SLC9A9: variants seen among roughly 807,000 people sequenced by gnomAD.
SLC9A9 encodes the protein sodium/hydrogen exchanger 9.
Under a neutral mutation model 77.8 loss-of-function variants are expected in SLC9A9, and 62 were observed. The ratio of observed to expected loss-of-function variants is 0.80; its 90% CI spans 0.65 to 0.98. The LOEUF (loss-of-function observed/expected upper bound fraction) is 0.98, where lower values mean the gene tolerates loss of function less well. Among genes scored for constraint, SLC9A9 ranks in the 50% least tolerant of loss-of-function variants. The probability of loss-of-function intolerance (pLI) is 0.00; values close to 1 mark genes in which losing one functional copy is unlikely to be tolerated. For missense variants in SLC9A9, 775 were observed against 774.9 expected, an observed-to-expected ratio of 1.00 and a Z score of 0.00; for synonymous variants, 320 against 283.5, an observed-to-expected ratio of 1.13 and a Z score of -1.29.
At chr3:143,708,787 G>A (rs1251713413) in intron 4 of SLC9A9, among the ~76,000 whole-genome samples, 2 of 152,196 alleles carry the variant, frequency 1.3e-5, no homozygotes. Flanking sequence ...ACCCAGTCCT[G>A]CTAGGTGCTA....
At chr3:143,402,923 T>C (rs1390151283) in intron 12 of SLC9A9, among the ~76,000 whole-genome samples, 1 of 151,944 alleles carries the variant, frequency 6.6e-6, no homozygotes, top group Non-Finnish European at 1.5e-5. Flanking sequence ...TATTTTTTGT[T>C]ATTTTCTTAG....
chr3:143,791,553 C>G (rs2008225288), intron 4 of SLC9A9, among the ~76,000 whole-genome samples: 1 of 152,200 alleles, frequency 6.6e-6, no homozygotes, highest in Non-Finnish European at 1.5e-5. Context: ...CATTTTCATT[C>G]CCACATTCTC....
At chr3:143,301,018 C>A (rs572911302) in intron 14 of SLC9A9, among the ~76,000 whole-genome samples, 3 of 152,220 alleles carry the variant, frequency 2.0e-5, no homozygotes, top group African/African-American at 7.2e-5. Flanking sequence ...AGAAATAGGC[C>A]CAGGAGAAAC....
At chr3:143,403,685 TAAG>T (rs1429245011) in intron 12 of SLC9A9, among the ~76,000 whole-genome samples, 2 of 152,350 alleles carry the variant, frequency 1.3e-5, no homozygotes, top group Middle Eastern at 3.4e-3. Context: ...TTAATTCTGA[TAAG>T]AAGTCAGATA....
At chr3:143,391,881 C>G (rs765462848) in intron 12 of SLC9A9, among the ~76,000 whole-genome samples, 73 of 151,994 alleles carry the variant, frequency 4.8e-4, no homozygotes, top group Non-Finnish European at 1.0e-3. Context: ...TGAAATGAAG[C>G]AAGAAGAGAA....
chr3:143,269,837 T>C (rs755877737), intron 14 of SLC9A9, among the ~76,000 whole-genome samples: 17 of 151,518 alleles, frequency 1.1e-4, no homozygotes, highest in Non-Finnish European at 2.2e-4. Flanking sequence ...GGAGAGGAGT[T>C]ATCATTGGTT....
chr3:143,292,632 T>C (rs1028668309), intron 14 of SLC9A9, among the ~76,000 whole-genome samples: 10 of 152,130 alleles, frequency 6.6e-5, no homozygotes, highest in South Asian at 6.2e-4. Context: ...TCCCTTCCTA[T>C]GGTAATAGGA....
intron 14 of SLC9A9, among the ~76,000 whole-genome samples, chr3:143,326,595 T>C (rs1205290857): frequency 6.6e-6 from 1 of 152,182 alleles, no homozygotes; most frequent in African/African-American, 2.4e-5. Context: ...TCTCAGCTGC[T>C]CATGAGGGTG....
At chr3:143,669,041 T>A (rs777748913) in intron 5 of SLC9A9, among the ~76,000 whole-genome samples, 11 of 152,150 alleles carry the variant, frequency 7.2e-5, no homozygotes, top group Non-Finnish European at 1.6e-4. Flanking sequence ...TAGGTACCTT[T>A]CTCTTAAGAA....
chr3:143,767,540 T>C (rs2007365627), intron 4 of SLC9A9, among the ~76,000 whole-genome samples: 1 of 152,160 alleles, frequency 6.6e-6, no homozygotes, highest in Admixed American at 6.6e-5. Flanking sequence ...CACCTCATTC[T>C]TATATACCTG....
intron 14 of SLC9A9, among the ~76,000 whole-genome samples, chr3:143,303,538 G>A (rs990783988): frequency 1.3e-5 from 2 of 152,170 alleles, no homozygotes; most frequent in Non-Finnish European, 2.9e-5. Context: ...AATGAGGTTA[G>A]ACTAGGTAGG....
chr3:143,519,814 G>A (rs2036266046), intron 9 of SLC9A9, among the ~76,000 whole-genome samples: 1 of 152,118 alleles, frequency 6.6e-6, no homozygotes, highest in African/African-American at 2.4e-5. Context: ...TGGGATGTAA[G>A]AGAAATAAAT....
At chr3:143,404,904 G>A (rs963512888) in intron 12 of SLC9A9, among the ~76,000 whole-genome samples, 1 of 152,200 alleles carries the variant, frequency 6.6e-6, no homozygotes, top group African/African-American at 2.4e-5. Context: ...CTGGATCAGC[G>A]TAGCTTAATG....
At chr3:143,635,208 C>T (rs898055746) in intron 6 of SLC9A9, among the ~76,000 whole-genome samples, 1 of 152,206 alleles carries the variant, frequency 6.6e-6, no homozygotes, top group African/African-American at 2.4e-5. Flanking sequence ...CGCTCCCTCT[C>T]CAGGTGGAAC....
intron 1 of SLC9A9, among the ~76,000 whole-genome samples, chr3:143,841,498 ACAT>A (rs772309251): frequency 1.1e-4 from 17 of 152,320 alleles, no homozygotes; most frequent in South Asian, 4.1e-4. Context: ...TGTTTAACAA[ACAT>A]CAGCTCTCCA....
intron 13 of SLC9A9, among the ~76,000 whole-genome samples, chr3:143,381,603 T>G (rs577236319): frequency 6.6e-6 from 1 of 152,222 alleles, no homozygotes; most frequent in African/African-American, 2.4e-5. Context: ...TGTTGCTCAA[T>G]TAAGTCAAAG....
chr3:143,605,027 T>C (rs573755473), intron 6 of SLC9A9, among the ~76,000 whole-genome samples: 1 of 152,258 alleles, frequency 6.6e-6, no homozygotes, highest in East Asian at 1.9e-4. Flanking sequence ...GAAGCAGAAG[T>C]GAAAGCCCCT....
chr3:143,670,925 T>C (rs1189457043), intron 5 of SLC9A9, among the ~76,000 whole-genome samples: 1 of 152,194 alleles, frequency 6.6e-6, no homozygotes, highest in African/African-American at 2.4e-5. Context: ...ACTCTTGGAT[T>C]TCATTTTCTT....
At chr3:143,530,780 A>G (rs770746749) in intron 9 of SLC9A9, among the ~76,000 whole-genome samples, 3 of 152,344 alleles carry the variant, frequency 2.0e-5, no homozygotes, top group Non-Finnish European at 4.4e-5. Flanking sequence ...TTCTGTCAAG[A>G]TGGGAGTTTC....
Sources: gnomAD v4.1 joint callset for allele counts (sites outside exome capture counted in the v4.1 genomes callset) on GRCh38, gnomAD v4.1.1 for gene constraint, MANE v1.5 for transcripts, NCBI Gene and HGNC (gene_info 2026-07-23, HGNC 2026-07-21) for gene names.